Variants in MELTF observed in about 807,000 individuals in gnomAD.
MELTF encodes the protein melanotransferrin.
A neutral mutation model predicts 83.7 loss-of-function variants in MELTF; 67 were observed. The observed-to-expected ratio is 0.80, with a 90% CI of 0.66 to 0.98. MELTF has a LOEUF of 0.98. MELTF is among the 50% of genes least tolerant of loss of function. MELTF has a pLI of 0.00. For synonymous variants in MELTF, 462 were observed against 447.6 expected (o/e 1.03, Z -0.41); for missense variants, 1,002 against 1,035.6 (o/e 0.97, Z 0.44).
In MELTF at chr3:197,006,585, G is replaced by A. The variant is rs1423710900; in HGVS notation, c.1902C>T (p.Asn634=). ...CCAGCAGTCCATACACGGTGAAGAT[G>A]TTGGTGTCGGGCCGGACCATCACGG... ...PHAVMVRPDT[N]IFTVYGLLDK... Residue 634 remains asparagine, a synonymous_variant, in exon 14 of 16, where the codon AAC becomes AAT. Coordinates refer to ENST00000296350, the MANE Select transcript of MELTF (RefSeq NM_005929.6). This position sits in a 1 kb window ranked among gnomAD's most constrained non-coding sequence, Gnocchi z 5.4. The A allele has an allele frequency of 1.2e-6, 2 of 1,612,436 alleles. No individual in the cohort carries two copies. Among genetic ancestry groups the A allele is most frequent in the Non-Finnish European group, 1.7e-6 (2 of 1,179,358 alleles).
Position 197,029,613 on chromosome 3 carries a change from G to C in MELTF, c.49+41C>G, listed in dbSNP as rs985087809. The C allele has an allele frequency of 3.2e-6, 4 of 1,237,662 alleles. No individual in the cohort carries two copies. In the African/African-American group the frequency reaches 6.2e-5, roughly 19 times the overall value. 76.7% of individuals were successfully genotyped at this position (1,237,662 alleles called of 1,614,324 possible). On this transcript the variant is annotated intron_variant, in intron 1 of 15. Coordinates refer to ENST00000296350, the MANE Select transcript of MELTF (RefSeq NM_005929.6). This position sits in a 1 kb window ranked among gnomAD's most constrained non-coding sequence, Gnocchi z 6.5. ...CTGCTCAGCCGGGCCGCGGCGCCCC[G>C]GGACCCCCGCCCGCCTTTGGCTCTC...
Position 197,003,246 on chromosome 3 carries a change from C to T in MELTF, c.*126G>A. 2 of 995,356 alleles carry T rather than the reference C, an allele frequency of 2.0e-6. No individual in the cohort carries two copies. The highest frequency in any genetic ancestry group is 9.3e-5 in the East Asian group (1 of 10,776). The allele number at this position is 995,356 out of a possible 1,614,324, so 61.7% of individuals were successfully genotyped here. On this transcript the variant is annotated 3_prime_UTR_variant, in exon 16 of 16. Transcript: ENST00000296350. The surrounding 1 kb of genome is among the most constrained non-coding windows in gnomAD (Gnocchi z 6.2). ...TGGCGCCCGTGGGCGGCGGGGCTCC[C>T]GGGGAGGCGCCTGCTCCCGCCCACG...
chr3:197,016,519 T>G, intron 7 of MELTF, 150 bp from the exon 8 acceptor site: 3 of 631,092 alleles, frequency 4.8e-6, no homozygotes, highest in African/African-American at 1.9e-5. Flanking sequence ...CTGCGGCGCC[T>G]CCCCTGATCT....
intron 10 of MELTF, 145 bp from the exon 11 acceptor site, chr3:197,009,957 T>C (rs921136945): frequency 1.3e-6 from 1 of 768,568 alleles, no homozygotes; most frequent in African/African-American, 1.8e-5. Flanking sequence ...GAGGCCAGGG[T>C]GTTCTGGGAG....
chr3:197,003,171 G>A lies in MELTF; in HGVS notation c.*201C>T, dbSNP rs577405660. 8.8e-6 allele frequency: 4 copies of A among 456,460 alleles called. No homozygotes were observed. The highest frequency in any genetic ancestry group is 6.4e-5 in the African/African-American group (3 of 46,946). The allele number at this position is 456,460 out of a possible 1,614,324, so 28.3% of individuals were successfully genotyped here. On this transcript the variant is annotated 3_prime_UTR_variant, in exon 16 of 16. Transcript: ENST00000296350. The surrounding 1 kb of genome is among the most constrained non-coding windows in gnomAD (Gnocchi z 6.2). The stretch of plus-strand genomic sequence containing the variant: ...CAGGTGGCGGGAGGCGGCGGTTGGC[G>A]GGAAGGGCCGCGCGGGCCCGGGGGC...
Position 197,004,116 on chromosome 3 carries a change from C to T in MELTF, c.1939-17G>A, listed in dbSNP as rs1196086977. 6.2e-7 allele frequency: 1 copy of T among 1,613,450 alleles called. No individual in the cohort carries two copies. Among genetic ancestry groups the T allele is most frequent in the Admixed American group, 1.7e-5 (1 of 60,022 alleles). ...AAACAGGTCCTGGAAGCACCGCAGG[C>T]AGACGACCTGCTCCTCACTGGGCTC... On this transcript the variant is annotated splice_polypyrimidine_tract_variant and intron_variant, in intron 14 of 15. Coordinates refer to ENST00000296350, the MANE Select transcript of MELTF (RefSeq NM_005929.6).
chr3:197,014,437 GA>G (rs1719291059), intron 9 of MELTF, among the ~76,000 whole-genome samples: 1 of 145,498 alleles, frequency 6.9e-6, no homozygotes, highest in African/African-American at 2.6e-5. Context: ...GCCCAGGCTG[GA>G]GTGCAATGGT....
intron 7 of MELTF, 118 bp downstream of exon 7, chr3:197,016,985 G>T (rs1485723934): frequency 4.3e-6 from 5 of 1,153,268 alleles, no homozygotes; most frequent in Non-Finnish European, 6.1e-6. Flanking sequence ...CCGATGCTGG[G>T]GTCCGTCCCA....
chr3:197,015,498 C>T lies in MELTF; in HGVS notation c.1100G>A (p.Arg367His), dbSNP rs779949038. ...CTCGGGAGTGGAGAGCACACACCAGCGCAGGTAGGGGGGCAGCCCTGGGGT... is the reference window on the plus strand; with the variant it reads ...CTCGGGAGTGGAGAGCACACACCAGTGCAGGTAGGGGGGCAGCCCTGGGGT... ...CDPNRLPPYL[R>H]WCVLSTPEIQ... Residue 367 changes from arginine (R) to histidine (H), a missense_variant, in exon 9 of 16, where the codon CGC (arginine) becomes CAC (histidine). Physicochemically the swap from Arg to His is conservative, Grantham distance 29 (BLOSUM62 0). Coordinates refer to ENST00000296350, the MANE Select transcript of MELTF (RefSeq NM_005929.6). The T allele has an allele frequency of 2.4e-5, 38 of 1,611,510 alleles. No individual in the cohort carries two copies. Among genetic ancestry groups the T allele is most frequent in the Middle Eastern group, 1.6e-4 (1 of 6,078 alleles).
In MELTF at chr3:197,002,698, C is replaced by T. The variant is rs114521616; in HGVS notation, c.*674G>A. ...GAGCCTGAGGAGACTCGGGAGGGGG[C>T]CCGTGGACGCGGCTGGCCCGGGATG... On this transcript the variant is annotated 3_prime_UTR_variant, in exon 16 of 16. Transcript: ENST00000296350. 0.14 allele frequency: 21,820 copies of T among 152,358 alleles called. 1,758 individuals carry two copies. Among genetic ancestry groups the T allele is most frequent in the Middle Eastern group, 0.28 (83 of 294 alleles). 9.4% of individuals were successfully genotyped at this position (152,358 alleles called of 1,614,324 possible).
At position 197,022,446 on chromosome 3, in the gene MELTF, C is replaced by T. The variant is rs1024888729; in HGVS notation, c.644+511G>A. Among the ~76,000 whole-genome samples the T allele has an allele frequency of 7.2e-5, 11 of 152,158 alleles. No individual in the cohort carries two copies. Among genetic ancestry groups the T allele is most frequent in the East Asian group, 1.9e-4 (1 of 5,196 alleles). ...CAGGCTTCCCTGCTCCAGGTGGAAACGTGAGGTAGCTAGAGGGGCCCGAGA... is the reference window on the plus strand; with the variant it reads ...CAGGCTTCCCTGCTCCAGGTGGAAATGTGAGGTAGCTAGAGGGGCCCGAGA... On this transcript the variant is annotated intron_variant, in intron 5 of 15. Coordinates refer to ENST00000296350, the MANE Select transcript of MELTF (RefSeq NM_005929.6). The surrounding 1 kb of genome is among the most constrained non-coding windows in gnomAD (Gnocchi z 5.1).
At chr3:197,021,185 G>A in intron 6 of MELTF, 1 of 553,664 alleles carries the variant, frequency 1.8e-6, no homozygotes, top group South Asian at 2.6e-5. Context: ...CTCCTGCCCT[G>A]TGGGCAGTGG....
rs1482538083 is a variant in MELTF at position 197,016,256 on chromosome 3, C to G, written c.1014G>C (p.Gln338His). 1 of 1,612,516 alleles carries G rather than the reference C, an allele frequency of 6.2e-7. No individual in the cohort carries two copies. The highest frequency in any genetic ancestry group is 2.2e-5 in the East Asian group (1 of 44,810). The change falls in exon 8 of 16, where the codon CAG (glutamine) becomes CAC (histidine). Residue 338 changes from glutamine to histidine, a missense_variant. Gln to His is a conservative substitution (Grantham distance 24). Transcript: ENST00000296350. ...STSELVPIATQTYEAWLGHEY... is the reference protein window; with the variant it reads ...STSELVPIATHTYEAWLGHEY... ...CATGGCCCAGCCACGCCTCATAGGT[C>G]TGTGTGGCGATGGGCACAAGCTCCG... is the stretch of plus-strand genomic sequence containing the variant.
At chr3:197,023,613 C>G (rs146326113) in intron 4 of MELTF, among the ~76,000 whole-genome samples, 6 of 152,344 alleles carry the variant, frequency 3.9e-5, no homozygotes, top group African/African-American at 9.6e-5. Context: ...CCAAAACCCA[C>G]AAGTATTTAT....
At chr3:197,019,017 G>A (rs1719513945) in intron 6 of MELTF, 1 of 985,220 alleles carries the variant, frequency 1.0e-6, no homozygotes, top group Non-Finnish European at 1.2e-6. Context: ...AAGGAAATAG[G>A]AAGAAAAAAG....
Position 197,008,578 on chromosome 3 carries a change from A to G in MELTF, c.1750+79T>C, listed in dbSNP as rs1719058909. The G allele has an allele frequency of 3.3e-6, 5 of 1,494,228 alleles. No homozygotes were observed. The highest frequency in any genetic ancestry group is 4.6e-6 in the Non-Finnish European group (5 of 1,090,584). The allele number at this position is 1,494,228 out of a possible 1,614,324, so 92.6% of individuals were successfully genotyped here. Reference sequence around the variant, plus strand: ...CTGAGCTGCTGCTTGGCCCCAGCCCAGCATGGTGTCTGGATGGTGCTGAAG... The same window carrying G: ...CTGAGCTGCTGCTTGGCCCCAGCCCGGCATGGTGTCTGGATGGTGCTGAAG... On this transcript the variant is annotated intron_variant, in intron 13 of 15. Coordinates refer to ENST00000296350, the MANE Select transcript of MELTF (RefSeq NM_005929.6). The surrounding 1 kb of genome is among the most constrained non-coding windows in gnomAD (Gnocchi z 5.4).
chr3:197,019,645 T>C, intron 6 of MELTF: 1 of 1,611,698 alleles, frequency 6.2e-7, no homozygotes, highest in Non-Finnish European at 8.5e-7. Flanking sequence ...TTTTCCAAAT[T>C]CTCCTTTGTC....
Position 197,021,476 on chromosome 3 carries a change from G to T in MELTF, c.645-5C>A. Reference sequence around the variant, plus strand: ...CCTGCCCCTTCCGCCAGGCACCTGCGGAGGAGAAGCTGTGGGTCTGGATGG... The same window carrying T: ...CCTGCCCCTTCCGCCAGGCACCTGCTGAGGAGAAGCTGTGGGTCTGGATGG... On this transcript the variant is annotated splice_region_variant and splice_polypyrimidine_tract_variant and intron_variant, in intron 5 of 15. Transcript: ENST00000296350. 1 of 1,613,350 alleles carries T rather than the reference G, an allele frequency of 6.2e-7. No individual in the cohort carries two copies. The highest frequency in any genetic ancestry group is 8.5e-7 in the Non-Finnish European group (1 of 1,179,866).
In MELTF at chr3:197,017,171, C is replaced by G; in HGVS notation, c.832G>C (p.Ala278Pro). ...WRQCHLARVP[A>P]HAVVVRADTD... ...TCGGCCCGGACCACCACGGCGTGAGCAGGCACCCGGGCCAGATGGCACTGC... is the reference window on the plus strand; with the variant it reads ...TCGGCCCGGACCACCACGGCGTGAGGAGGCACCCGGGCCAGATGGCACTGC... Residue 278 changes from alanine (A) to proline (P), a missense_variant, in exon 7 of 16, where the codon GCT becomes CCT. By Grantham distance (27) the Ala-to-Pro change is conservative. Transcript: ENST00000296350. The G allele has an allele frequency of 6.2e-7, 1 of 1,610,392 alleles. No homozygotes were observed. The highest frequency in any genetic ancestry group is 1.3e-5 in the African/African-American group (1 of 75,040).
Sources: allele counts gnomAD v4.1 joint callset (sites outside exome capture counted in the v4.1 genomes callset), GRCh38; gene constraint gnomAD v4.1.1; non-coding constraint Gnocchi (gnomAD v3.1); transcripts MANE v1.5; gene names NCBI Gene and HGNC (gene_info 2026-07-23, HGNC 2026-07-21).